NARS2: variants seen among roughly 807,000 people sequenced by gnomAD.
NARS2 encodes the protein asparaginyl-tRNA synthetase.
In NARS2, 60 loss-of-function variants were observed where a neutral mutation model predicts 62.9. The observed-to-expected ratio is 0.95, with a 90% CI of 0.77 to 1.18. NARS2 has a LOEUF of 1.18. Among genes scored for constraint, NARS2 ranks in the 50% most tolerant of loss-of-function variants. The pLI is 0.00. For synonymous variants in NARS2, 196 were observed against 200.0 expected (o/e 0.98, Z 0.17); for missense variants, 619 against 576.4 (o/e 1.07, Z -0.76).
chr11:78,466,520 G>A (rs577362372), intron 10 of NARS2, among the ~76,000 whole-genome samples: 7 of 152,022 alleles, frequency 4.6e-5, no homozygotes, highest in African/African-American at 1.4e-4. Context: ...TGGCTGTGTC[G>A]CCCAGGCTAG....
At chr11:78,502,353 C>A (rs1171249770) in intron 6 of NARS2, among the ~76,000 whole-genome samples, 3 of 152,212 alleles carry the variant, frequency 2.0e-5, no homozygotes, top group African/African-American at 7.2e-5. Context: ...TGCCTTCTTG[C>A]TATGTCCTCA....
chr11:78,538,439 T>C (rs1022251919), intron 5 of NARS2, among the ~76,000 whole-genome samples: 2 of 152,090 alleles, frequency 1.3e-5, no homozygotes, highest in Non-Finnish European at 2.9e-5. Flanking sequence ...GAAAATAACA[T>C]GTAAACTAAT....
chr11:78,456,157 C>T (rs1461226197), intron 11 of NARS2, among the ~76,000 whole-genome samples: 18 of 152,090 alleles, frequency 1.2e-4, no homozygotes, highest in Admixed American at 1.1e-3. Flanking sequence ...CTTACTCTAC[C>T]AAAAGACTTA....
At chr11:78,468,319 A>AAAAAAAG (rs1858716034) in intron 10 of NARS2, among the ~76,000 whole-genome samples, 1 of 149,656 alleles carries the variant, frequency 6.7e-6, no homozygotes, top group African/African-American at 2.4e-5. Context: ...TGAAAAAAAA[A>AAAAAAAG]AAAAAAAAAG....
chr11:78,534,205 T>A (rs1861583520), intron 5 of NARS2, among the ~76,000 whole-genome samples: 2 of 152,154 alleles, frequency 1.3e-5, no homozygotes, highest in Non-Finnish European at 2.9e-5. Flanking sequence ...ATGGTTGGAG[T>A]ATATCTAGTT....
At chr11:78,452,117 T>C (rs568981663) in intron 11 of NARS2, among the ~76,000 whole-genome samples, 1 of 151,936 alleles carries the variant, frequency 6.6e-6, no homozygotes. Flanking sequence ...ATTTTTTTTT[T>C]AAATTTTTTT....
intron 11 of NARS2, among the ~76,000 whole-genome samples, chr11:78,451,221 T>C (rs915090772): frequency 1.3e-5 from 2 of 152,232 alleles, no homozygotes; most frequent in Admixed American, 1.3e-4. Flanking sequence ...ATATCAAAAA[T>C]ACTGCATTCT....
intron 5 of NARS2, among the ~76,000 whole-genome samples, chr11:78,539,655 G>C (rs1413157740): frequency 1.3e-5 from 2 of 152,194 alleles, no homozygotes; most frequent in Non-Finnish European, 2.9e-5. Context: ...TAAAGCCTTG[G>C]AAGTGAATAA....
intron 11 of NARS2, among the ~76,000 whole-genome samples, chr11:78,450,844 T>C (rs1857947724): frequency 6.6e-6 from 1 of 151,934 alleles, no homozygotes; most frequent in Non-Finnish European, 1.5e-5. Context: ...CTGGCTAATT[T>C]TTATACCTAA....
chr11:78,535,372 A>C (rs1861633600), intron 5 of NARS2, among the ~76,000 whole-genome samples: 1 of 152,102 alleles, frequency 6.6e-6, no homozygotes, highest in African/African-American at 2.4e-5. Flanking sequence ...GGTACAATAT[A>C]AAAGAATATA....
intron 7 of NARS2, among the ~76,000 whole-genome samples, chr11:78,488,109 A>T (rs1859654562): frequency 6.6e-6 from 1 of 152,156 alleles, no homozygotes; most frequent in Non-Finnish European, 1.5e-5. Context: ...ATTGAGAGCA[A>T]AAATTCAAAC....
chr11:78,493,921 T>C (rs1401801185), intron 6 of NARS2, among the ~76,000 whole-genome samples: 10 of 152,064 alleles, frequency 6.6e-5, no homozygotes, highest in African/African-American at 2.4e-4. Flanking sequence ...CAGTGAAAAC[T>C]AGAATTTCAT....
intron 13 of NARS2, among the ~76,000 whole-genome samples, chr11:78,440,793 A>T (rs1285014450): frequency 2.6e-5 from 4 of 152,200 alleles, no homozygotes; most frequent in Admixed American, 6.5e-5. Context: ...TTGGCCTCCC[A>T]AAGTGCTGGG....
intron 7 of NARS2, 143 bp from the exon 8 acceptor site, chr11:78,478,826 T>C (rs916791371): frequency 7.1e-5 from 33 of 465,216 alleles, no homozygotes; most frequent in East Asian, 5.2e-4. Context: ...CCATGGAAAA[T>C]TGGTTCAGTT....
chr11:78,484,505 G>C (rs922483590), intron 7 of NARS2, among the ~76,000 whole-genome samples: 1 of 152,000 alleles, frequency 6.6e-6, no homozygotes, highest in Non-Finnish European at 1.5e-5. Context: ...CAAAGGGCTA[G>C]TATCCAGAAT....
At chr11:78,567,975 T>C (rs890446689) in intron 3 of NARS2, among the ~76,000 whole-genome samples, 8 of 152,254 alleles carry the variant, frequency 5.3e-5, no homozygotes, top group Non-Finnish European at 1.0e-4. Context: ...TAATCTTTTA[T>C]TCTCTCTAAC....
At chr11:78,567,746 T>C (rs10793334) in intron 3 of NARS2, among the ~76,000 whole-genome samples, 101,025 of 152,022 alleles carry the variant, frequency 0.66, 35,155 homozygotes, top group Non-Finnish European at 0.79. Flanking sequence ...CTTCCTATTA[T>C]ACTGAAAGAA....
chr11:78,574,673 T>TCCGCTTC lies in NARS2; in HGVS notation c.-192_-186dup. 1.6e-6 allele frequency: 1 copy of TCCGCTTC among 624,638 alleles called. No individual in the cohort carries two copies. Among genetic ancestry groups the TCCGCTTC allele is most frequent in the Non-Finnish European group, 2.7e-6 (1 of 369,954 alleles). 38.7% of individuals were successfully genotyped at this position (624,638 alleles called of 1,614,324 possible). A position where few individuals can be genotyped will look rare whatever the true frequency, so the allele number is the denominator to read the frequency against. On this transcript the variant is annotated 5_prime_UTR_variant, in exon 1 of 14. Transcript: ENST00000281038. ...CCCAGCTCTGTCCCCACAGAACCTC[T>TCCGCTTC]CCGCTTCCCACTTCCCAACGGGGCG...
intron 11 of NARS2, among the ~76,000 whole-genome samples, chr11:78,447,448 T>C (rs547546978): frequency 1.3e-5 from 2 of 152,226 alleles, no homozygotes; most frequent in South Asian, 4.1e-4. Flanking sequence ...TGGAAGTTCC[T>C]CAAAAACCTA....
Sources: allele counts gnomAD v4.1 joint callset (sites outside exome capture counted in the v4.1 genomes callset), GRCh38; gene constraint gnomAD v4.1.1; transcripts MANE v1.5; gene names NCBI Gene and HGNC (gene_info 2026-07-23, HGNC 2026-07-21).